The following TRAP1 variants were observed in gnomAD, a reference collection of about 807,000 sequenced individuals.
The protein encoded by TRAP1 is heat shock protein 75 kDa, mitochondrial.
A neutral mutation model predicts 89.1 loss-of-function variants in TRAP1; 102 were observed. The observed-to-expected ratio is 1.15, with a 90% CI of 0.98 to 1.35. The LOEUF is 1.35. TRAP1 is among the 40% of genes most tolerant of loss of function. The pLI is 0.00. For missense variants in TRAP1, 1,256 were observed against 945.3 expected (o/e 1.33, Z -4.31); for synonymous variants, 508 against 388.0 (o/e 1.31, Z -3.64).
intron 1 of TRAP1, among the ~76,000 whole-genome samples, chr16:3,708,367 A>G (rs891556029): frequency 2.0e-5 from 3 of 152,108 alleles, no homozygotes. Context: ...AGCCAGGAGC[A>G]GTGGCTCACA....
At chr16:3,689,166 A>G (rs375355932) in intron 2 of TRAP1, 29 bp from the exon 3 acceptor site, 5 of 1,586,430 alleles carry the variant, frequency 3.2e-6, no homozygotes, top group Non-Finnish European at 2.6e-6. Context: ...CACAACCAAC[A>G]AAGTTTAACT....
Position 3,671,729 on chromosome 16 carries a change from G to A in TRAP1, c.1228C>T (p.Leu410Phe). 1.2e-6 allele frequency: 2 copies of A among 1,612,940 alleles called. No individual in the cohort carries two copies. Among genetic ancestry groups the A allele is most frequent in the Non-Finnish European group, 1.7e-6 (2 of 1,180,026 alleles). The change falls in exon 11 of 18, where the codon CTC (leucine) becomes TTC (phenylalanine). Residue 410 changes from leucine (L) to phenylalanine (F), a missense_variant. Coordinates refer to ENST00000246957, the MANE Select transcript of TRAP1 (RefSeq NM_016292.3). ...LSRELLQESA[L>F]IRKLRDVLQQ... ...CCGCGGCCCGAGGCTCACCTGATGAGTGCGCTCTCCTGCAGCAGCTCCCGG... is the reference window on the plus strand; with the variant it reads ...CCGCGGCCCGAGGCTCACCTGATGAATGCGCTCTCCTGCAGCAGCTCCCGG...
At position 3,691,005 on chromosome 16, in the gene TRAP1, G is replaced by C; in HGVS notation, c.89-20C>G. Reference sequence around the variant, plus strand: ...GTTTTCCTGAAAAGACAAATATGCAGAAAGAATGAGAATTAGGAAGACACG... The same window carrying C: ...GTTTTCCTGAAAAGACAAATATGCACAAAGAATGAGAATTAGGAAGACACG... On this transcript the variant is annotated intron_variant, in intron 1 of 17. Coordinates refer to ENST00000246957, the MANE Select transcript of TRAP1 (RefSeq NM_016292.3). 6.9e-7 allele frequency: 1 copy of C among 1,457,792 alleles called. No homozygotes were observed. The highest frequency in any genetic ancestry group is 1.4e-5 in the South Asian group (1 of 70,260). 90.3% of individuals were successfully genotyped at this position (1,457,792 alleles called of 1,614,324 possible). A position where few individuals can be genotyped will look rare whatever the true frequency, so the allele number is the denominator to read the frequency against.
chr16:3,658,948 T>TTTAAAGAAGCACAGTAAGAC, intron 16 of TRAP1, 83 bp from the exon 17 acceptor site: 1 of 1,410,766 alleles, frequency 7.1e-7, no homozygotes, highest in Non-Finnish European at 1.0e-6. Flanking sequence ...TATCAGGATA[T>TTTAAAGAAGCACAGTAAGAC]TTAAAGAAGC....
chr16:3,711,553 C>T (rs1239737481), intron 1 of TRAP1, among the ~76,000 whole-genome samples: 1 of 151,574 alleles, frequency 6.6e-6, no homozygotes, highest in Non-Finnish European at 1.5e-5. Flanking sequence ...GAGCCGAGTT[C>T]GTGCCACTGC....
At chr16:3,670,062 A>G (rs934226795) in intron 11 of TRAP1, among the ~76,000 whole-genome samples, 2 of 151,908 alleles carry the variant, frequency 1.3e-5, no homozygotes, top group Non-Finnish European at 1.5e-5. Flanking sequence ...AGGAAACAGT[A>G]TAAGCAATAT....
intron 1 of TRAP1, among the ~76,000 whole-genome samples, chr16:3,704,585 C>A (rs75912689): frequency 0.028 from 4,316 of 152,254 alleles, 195 homozygotes; most frequent in African/African-American, 0.098. Flanking sequence ...GCTGCTCACA[C>A]CTGTAATCCC....
At chr16:3,689,279 C>G (rs2051180394) in intron 2 of TRAP1, 142 bp from the exon 3 acceptor site, 1 of 630,186 alleles carries the variant, frequency 1.6e-6, no homozygotes, top group African/African-American at 2.0e-5. Context: ...GAGTCTCGCT[C>G]TGTCACCCAG....
In TRAP1 at chr16:3,699,409, G is replaced by A. The variant is rs530748871; in HGVS notation, c.89-8424C>T. ...CCCAGCACTTTGGGAGGCCGAGGCG[G>A]GTGGATCACCTGAGGTCAGGAGTTC... On this transcript the variant is annotated intron_variant, in intron 1 of 17. Coordinates refer to ENST00000246957, the MANE Select transcript of TRAP1 (RefSeq NM_016292.3). Among the ~76,000 whole-genome samples the A allele has an allele frequency of 6.6e-5, 10 of 152,206 alleles. No homozygotes were observed. The East Asian group carries it at 1.7e-3, about 27-fold the overall frequency.
chr16:3,679,776 C>T lies in TRAP1; in HGVS notation c.486G>A (p.Gly162=). The part of the protein sequence containing the change: ...GTITIQDTGI[G]MTQEELVSNL... ...TGGACACCAGCTCTTCCTGTGTCAT[C>T]CCGATACCAGTATCCTGAGGAGAGA... Residue 162 remains glycine, a synonymous_variant, in exon 5 of 18, where the codon GGG becomes GGA. Coordinates refer to ENST00000246957, the MANE Select transcript of TRAP1 (RefSeq NM_016292.3). 1 of 1,614,098 alleles carries T rather than the reference C, an allele frequency of 6.2e-7. No homozygotes were observed. The highest frequency in any genetic ancestry group is 8.5e-7 in the Non-Finnish European group (1 of 1,180,006).
At chr16:3,660,545 CTAGT>C (rs2043013527) in intron 16 of TRAP1, 1 of 152,120 alleles carries the variant, frequency 6.6e-6, no homozygotes, top group African/African-American at 2.4e-5. Context: ...GCCACCAAAA[CTAGT>C]TAAAGTGACC....
chr16:3,684,396 C>T (rs1261090395), intron 4 of TRAP1, among the ~76,000 whole-genome samples: 1 of 152,132 alleles, frequency 6.6e-6, no homozygotes, highest in Non-Finnish European at 1.5e-5. Context: ...GCTGAGATAT[C>T]AGTAGATGAG....
intron 1 of TRAP1, among the ~76,000 whole-genome samples, chr16:3,706,530 G>A (rs2051449316): frequency 7.0e-6 from 1 of 142,602 alleles, no homozygotes; most frequent in Admixed American, 7.5e-5. Context: ...CACAATCACA[G>A]CTCAATGTAG....
chr16:3,712,285 C>CAAAAAAAAAAAAAAAAAAAAAA, intron 1 of TRAP1, among the ~76,000 whole-genome samples: 1 of 32,054 alleles, frequency 3.1e-5, no homozygotes, highest in Non-Finnish European at 5.5e-5. Context: ...GAATCTGTCT[C>CAAAAAAAAAAAAAAAAAAAAAA]AAAAAAAAAA....
intron 16 of TRAP1, 121 bp from the exon 17 acceptor site, chr16:3,658,986 A>G: frequency 1.0e-6 from 1 of 964,964 alleles, no homozygotes; most frequent in African/African-American, 1.6e-5. Context: ...AGTTTTTTAA[A>G]TAAGGTATGT....
chr16:3,702,673 G>A (rs893257843), intron 1 of TRAP1, among the ~76,000 whole-genome samples: 1 of 149,820 alleles, frequency 6.7e-6, no homozygotes, highest in Non-Finnish European at 1.5e-5. Flanking sequence ...TGAGACCAGA[G>A]GGTAAAGGCT....
chr16:3,668,256 T>G (rs1406682564), intron 11 of TRAP1, among the ~76,000 whole-genome samples: 1 of 151,352 alleles, frequency 6.6e-6, no homozygotes, highest in Non-Finnish European at 1.5e-5. Context: ...GACGGGGTTT[T>G]ACCATGTTGG....
At chr16:3,679,901 C>A in intron 4 of TRAP1, 111 bp from the exon 5 acceptor site, 2 of 974,578 alleles carry the variant, frequency 2.1e-6, no homozygotes, top group South Asian at 2.7e-5. Context: ...CCAGACAGGG[C>A]CCAGCCAGGT....
intron 1 of TRAP1, among the ~76,000 whole-genome samples, chr16:3,696,263 A>G (rs2051285927): frequency 6.6e-6 from 1 of 152,228 alleles, no homozygotes; most frequent in Non-Finnish European, 1.5e-5. Flanking sequence ...GGAGCCTAGG[A>G]CACCCAGTGG....
Sources: gnomAD v4.1 joint callset for allele counts (sites outside exome capture counted in the v4.1 genomes callset) on GRCh38, gnomAD v4.1.1 for gene constraint, MANE v1.5 for transcripts, NCBI Gene and HGNC (gene_info 2026-07-23, HGNC 2026-07-21) for gene names.